KCNG3: variants seen among roughly 807,000 people sequenced by gnomAD.
The protein encoded by KCNG3 is voltage-gated potassium channel regulatory subunit KCNG3.
In KCNG3, 15 loss-of-function variants were observed where a neutral mutation model predicts 29.0. The observed-to-expected ratio is 0.52, with a 90% CI of 0.35 to 0.80. The LOEUF is 0.80. Among genes scored for constraint, KCNG3 ranks in the 30% least tolerant of loss-of-function variants. The probability of loss-of-function intolerance (pLI) is 0.01; values close to 1 mark genes in which losing one functional copy is unlikely to be tolerated. For missense variants in KCNG3, 512 were observed against 605.7 expected, an observed-to-expected ratio of 0.85 and a Z score of 1.62; for synonymous variants, 322 against 248.9, an observed-to-expected ratio of 1.29 and a Z score of -2.76.
At chr2:42,423,418 CAT>C in the KCNG3 span, among the ~76,000 whole-genome samples, 1 of 152,216 alleles carries the variant, frequency 6.6e-6, no homozygotes, top group Admixed American at 6.5e-5. Context: ...TTGGCTGGCA[CAT>C]GAGATTTTTC....
At chr2:42,397,315 T>C in the KCNG3 span, among the ~76,000 whole-genome samples, 26 of 151,786 alleles carry the variant, frequency 1.7e-4, no homozygotes, top group African/African-American at 5.6e-4. Flanking sequence ...GTTTCTAGGA[T>C]ATACTGGCAG....
At chr2:42,439,494 C>G (rs998349711), downstream of KCNG3, among the ~76,000 whole-genome samples, 1 of 150,152 alleles carries the variant, frequency 6.7e-6, no homozygotes, top group African/African-American at 2.5e-5. Flanking sequence ...AACTCCTGAC[C>G]TCAAGTGATC....
chr2:42,426,230 A>G, the KCNG3 span, among the ~76,000 whole-genome samples: 3 of 152,252 alleles, frequency 2.0e-5, no homozygotes, highest in Non-Finnish European at 4.4e-5. Flanking sequence ...AAATGACTGC[A>G]TACTTTAATA....
At chr2:42,471,783 C>A (rs550084432) in intron 1 of KCNG3, among the ~76,000 whole-genome samples, 1 of 149,602 alleles carries the variant, frequency 6.7e-6, no homozygotes, top group African/African-American at 2.5e-5. Context: ...CTTTGGGAGG[C>A]AGAGGCAGGA....
chr2:42,459,093 G>A (rs1371215848), intron 1 of KCNG3, among the ~76,000 whole-genome samples: 1 of 152,014 alleles, frequency 6.6e-6, no homozygotes, highest in Non-Finnish European at 1.5e-5. Context: ...ATACTCGGGA[G>A]GCTTAGGCAG....
chr2:42,477,917 C>T (rs986817284), intron 1 of KCNG3, among the ~76,000 whole-genome samples: 31 of 151,770 alleles, frequency 2.0e-4, no homozygotes, highest in South Asian at 4.2e-4. Flanking sequence ...ACCTCTTTCA[C>T]GGGCATCCCA....
At chr2:42,440,747 A>G (rs957123917), downstream of KCNG3, among the ~76,000 whole-genome samples, 3 of 152,266 alleles carry the variant, frequency 2.0e-5, no homozygotes, top group Admixed American at 2.0e-4. Flanking sequence ...TCAATTAGCA[A>G]CAAGGACAAT....
the KCNG3 span, among the ~76,000 whole-genome samples, chr2:42,435,553 A>G: frequency 6.6e-6 from 1 of 152,144 alleles, no homozygotes; most frequent in African/African-American, 2.4e-5. Flanking sequence ...AGAATAAACA[A>G]CTCTTAAAAT....
chr2:42,441,741 A>G, downstream of KCNG3, among the ~76,000 whole-genome samples: 1 of 150,524 alleles, frequency 6.6e-6, no homozygotes, highest in Non-Finnish European at 1.5e-5. Context: ...CCTATATATA[A>G]AATATATACA....
chr2:42,410,524 G>A, the KCNG3 span, among the ~76,000 whole-genome samples: 1 of 152,004 alleles, frequency 6.6e-6, no homozygotes, highest in Non-Finnish European at 1.5e-5. Context: ...GATTGAAATT[G>A]CTTTTCTCTT....
At chr2:42,449,514 CTTTT>C (rs36088470) in intron 1 of KCNG3, among the ~76,000 whole-genome samples, 6 of 99,440 alleles carry the variant, frequency 6.0e-5, no homozygotes, top group Admixed American at 1.2e-4. Flanking sequence ...ACTGAGATTT[CTTTT>C]TTTTTTTTTT....
intron 1 of KCNG3, among the ~76,000 whole-genome samples, chr2:42,492,434 T>C (rs1558392420): frequency 6.6e-6 from 1 of 152,214 alleles, no homozygotes; most frequent in Non-Finnish European, 1.5e-5. Flanking sequence ...TTCCAAACAC[T>C]ACCAAAAATT....
chr2:42,409,522 G>C, the KCNG3 span, among the ~76,000 whole-genome samples: 4 of 151,378 alleles, frequency 2.6e-5, no homozygotes, highest in South Asian at 8.4e-4. Context: ...CAGGCAACAC[G>C]GTGAAACCTG....
At chr2:42,424,908 C>T in the KCNG3 span, 2 of 152,242 alleles carry the variant, frequency 1.3e-5, no homozygotes, top group Non-Finnish European at 2.9e-5. Flanking sequence ...CACAGCTATC[C>T]AGGAAGGTAT....
rs1672531396 is a variant in KCNG3 at position 42,443,510 on chromosome 2, T to C, written c.*424A>G. On this transcript the variant is annotated 3_prime_UTR_variant, in exon 2 of 2. Transcript: ENST00000306078. ...TTCCAGGATACTTCTGACATTGATA[T>C]GAGAAATTATAAAACATTTAGAAAT... 1 of 156,766 alleles carries C rather than the reference T, an allele frequency of 6.4e-6. No homozygotes were observed. The highest frequency in any genetic ancestry group is 1.4e-5 in the Non-Finnish European group (1 of 70,870). 9.7% of individuals were successfully genotyped at this position (156,766 alleles called of 1,614,324 possible).
At chr2:42,398,210 G>A in the KCNG3 span, among the ~76,000 whole-genome samples, 6 of 150,546 alleles carry the variant, frequency 4.0e-5, no homozygotes, top group South Asian at 2.1e-4. Context: ...GTGACAGAGC[G>A]AGACTCTGTC....
At chr2:42,413,855 A>C in the KCNG3 span, 1 of 152,202 alleles carries the variant, frequency 6.6e-6, no homozygotes, top group African/African-American at 2.4e-5. Context: ...CCCATGATTA[A>C]ATTACCTCCC....
chr2:42,438,149 C>A (rs1007223773), downstream of KCNG3, among the ~76,000 whole-genome samples: 6 of 151,944 alleles, frequency 3.9e-5, no homozygotes, highest in African/African-American at 1.5e-4. Context: ...AAAAATAATA[C>A]CTAAGTTGAA....
At chr2:42,452,243 A>ATATTTTT in intron 1 of KCNG3, among the ~76,000 whole-genome samples, 2 of 95,064 alleles carry the variant, frequency 2.1e-5, no homozygotes, top group Non-Finnish European at 4.3e-5. Context: ...ATATATATAT[A>ATATTTTT]TTTTTTTTTT....
Sources: allele counts gnomAD v4.1 joint callset (sites outside exome capture counted in the v4.1 genomes callset), GRCh38; gene constraint gnomAD v4.1.1; transcripts MANE v1.5; gene names NCBI Gene and HGNC (gene_info 2026-07-23, HGNC 2026-07-21).